YTHDC2: variants seen among roughly 807,000 people sequenced by gnomAD.
YTHDC2 encodes YTH N6-methyladenosine RNA binding protein C2.
Under a neutral mutation model 174.9 loss-of-function variants are expected in YTHDC2, and 45 were observed. The ratio of observed to expected loss-of-function variants is 0.26; its 90% CI spans 0.20 to 0.33. The LOEUF (loss-of-function observed/expected upper bound fraction) is 0.33, where lower values mean the gene tolerates loss of function less well. Ranked by LOEUF, YTHDC2 falls within the 10% of genes least tolerant of loss-of-function variation. The probability of loss-of-function intolerance (pLI) is 1.00; values close to 1 mark genes in which losing one functional copy is unlikely to be tolerated. For missense variants in YTHDC2, 1,650 were observed against 1,723.7 expected (o/e 0.96, Z 0.76); for synonymous variants, 657 against 574.5 (o/e 1.14, Z -2.05).
At chr5:113,544,612 T>C (rs1263130599) in intron 10 of YTHDC2, among the ~76,000 whole-genome samples, 1 of 152,208 alleles carries the variant, frequency 6.6e-6, no homozygotes, top group East Asian at 1.9e-4. Flanking sequence ...TCCCTTTTTC[T>C]GCTTCTGGAG....
In YTHDC2 at chr5:113,592,191, A is replaced by ATTTTTT; in HGVS notation, c.4212+19_4212+24dup. The ATTTTTT allele has an allele frequency of 5.1e-6, 7 of 1,382,664 alleles. No individual in the cohort carries two copies. The highest frequency in any genetic ancestry group is 1.4e-5 in the South Asian group (1 of 70,444). The allele number at this position is 1,382,664 out of a possible 1,614,324, so 85.6% of individuals were successfully genotyped here. A position where few individuals can be genotyped will look rare whatever the true frequency, so the allele number is the denominator to read the frequency against. On this transcript the variant is annotated intron_variant, in intron 28 of 29. Transcript: ENST00000161863. ...CAGGGATGGGCAGGTATACAATGGC[A>ATTTTTT]TTTTTTTTTTTATTTACTTTTGTTT...
chr5:113,585,255 T>C (rs758394249), intron 26 of YTHDC2, among the ~76,000 whole-genome samples: 127 of 152,000 alleles, frequency 8.4e-4, no homozygotes, highest in Non-Finnish European at 1.9e-4. Flanking sequence ...TGATAAGAAA[T>C]TGAAAACTAT....
intron 25 of YTHDC2, chr5:113,583,726 C>T: frequency 6.6e-6 from 1 of 152,530 alleles, no homozygotes; most frequent in Non-Finnish European, 1.5e-5. Context: ...TCGTAATCTG[C>T]CCGCCTCGGC....
intron 17 of YTHDC2, among the ~76,000 whole-genome samples, chr5:113,557,755 A>AT (rs1219456938): frequency 6.6e-6 from 1 of 152,168 alleles, no homozygotes. Context: ...AGCTGTGATC[A>AT]TACCACTCTA....
chr5:113,575,361 T>C (rs150708803), intron 23 of YTHDC2, among the ~76,000 whole-genome samples: 98 of 152,286 alleles, frequency 6.4e-4, no homozygotes, highest in Non-Finnish European at 1.1e-3. Flanking sequence ...ATTTACACAG[T>C]AGTGAGGGTA....
In YTHDC2 at chr5:113,535,661, A is replaced by G. The variant is rs374806929; in HGVS notation, c.965A>G (p.Asp322Gly). Residue 322 changes from aspartate (D) to glycine (G), a missense_variant, in exon 7 of 30, where the codon GAT becomes GGT. Around this residue, in one of 5 missense-constraint regions of YTHDC2, gnomAD observed 411 missense variants for 380.6 expected, o/e 1.08. Transcript: ENST00000161863. ...HVIVDEVHER[D>G]RFSDFLLTKL... The stretch of plus-strand genomic sequence containing the variant: ...CTATAGGATGAAGTGCATGAAAGGG[A>G]TCGATTTAGTGATTTTTTACTTACA... 3.1e-6 allele frequency: 5 copies of G among 1,613,016 alleles called. No homozygotes were observed. Among genetic ancestry groups the G allele is most frequent in the Non-Finnish European group, 4.2e-6 (5 of 1,179,612 alleles).
chr5:113,561,578 C>T (rs1253422276), intron 18 of YTHDC2, among the ~76,000 whole-genome samples: 1 of 151,604 alleles, frequency 6.6e-6, no homozygotes, highest in Non-Finnish European at 1.5e-5. Flanking sequence ...AAGCGATTCT[C>T]TGGCCTCAGC....
chr5:113,514,352 C>T, intron 1 of YTHDC2: 1 of 659,022 alleles, frequency 1.5e-6, no homozygotes, highest in Non-Finnish European at 2.8e-6. Flanking sequence ...CTTTCAGCAG[C>T]CTTGGGCGGT....
At chr5:113,583,036 G>C (rs1396474109) in intron 25 of YTHDC2, 1 of 152,140 alleles carries the variant, frequency 6.6e-6, no homozygotes, top group Admixed American at 6.5e-5. Flanking sequence ...TTCCATAGGA[G>C]TTATTCTGTG....
intron 7 of YTHDC2, 117 bp downstream of exon 7, chr5:113,535,915 A>G: frequency 1.3e-6 from 1 of 790,344 alleles, no homozygotes; most frequent in East Asian, 2.9e-5. Flanking sequence ...TTACCGTTCC[A>G]CCTGAGATAG....
chr5:113,591,530 C>T (rs954935084), intron 27 of YTHDC2, among the ~76,000 whole-genome samples: 3 of 152,062 alleles, frequency 2.0e-5, no homozygotes, highest in Non-Finnish European at 4.4e-5. Context: ...GAAGCTTGAC[C>T]TTTTGGTAAA....
chr5:113,595,150 T>G lies in YTHDC2; in HGVS notation c.*1676T>G, dbSNP rs1779194968. ...AAAACTTGTTTAAATTTCCATCTGT[T>G]TTGTAATATCTAGCTCTATATGTAA... On this transcript the variant is annotated 3_prime_UTR_variant, in exon 30 of 30. Transcript: ENST00000161863. 6.6e-6 allele frequency: 1 copy of G among 152,140 alleles called. No individual in the cohort carries two copies. The highest frequency in any genetic ancestry group is 6.5e-5 in the Admixed American group (1 of 15,270). 9.4% of individuals were successfully genotyped at this position (152,140 alleles called of 1,614,324 possible). A position where few individuals can be genotyped will look rare whatever the true frequency, so the allele number is the denominator to read the frequency against.
At chr5:113,535,893 A>C in intron 7 of YTHDC2, 95 bp downstream of exon 7, 1 of 1,062,152 alleles carries the variant, frequency 9.4e-7, no homozygotes, top group Non-Finnish European at 1.3e-6. Flanking sequence ...GTTCTGAAGT[A>C]GAGGCCATCT....
intron 17 of YTHDC2, among the ~76,000 whole-genome samples, chr5:113,557,105 G>T (rs1404607681): frequency 6.6e-6 from 1 of 152,182 alleles, no homozygotes; most frequent in South Asian, 2.1e-4. Flanking sequence ...AATGCATCGA[G>T]AAGTCTGGGA....
At chr5:113,547,079 TC>T (rs1272636410) in intron 10 of YTHDC2, among the ~76,000 whole-genome samples, 2 of 152,168 alleles carry the variant, frequency 1.3e-5, no homozygotes, top group Admixed American at 1.3e-4. Flanking sequence ...AGTCACTTAG[TC>T]CAGTTTATAT....
At chr5:113,560,739 T>G (rs929611058) in intron 17 of YTHDC2, among the ~76,000 whole-genome samples, 1 of 152,252 alleles carries the variant, frequency 6.6e-6, no homozygotes, top group African/African-American at 2.4e-5. Flanking sequence ...GTGCTTGATA[T>G]AAGCTCAGTA....
chr5:113,567,047 T>C, intron 21 of YTHDC2, 45 bp from the exon 22 acceptor site: 1 of 1,560,686 alleles, frequency 6.4e-7, no homozygotes, highest in Non-Finnish European at 8.7e-7. Context: ...CACAAAAGTA[T>C]CTTTTGCACA....
chr5:113,567,284 C>T lies in YTHDC2; in HGVS notation c.3035C>T (p.Pro1012Leu), dbSNP rs1405463463. Residue 1012 changes from proline to leucine, a missense_variant, in exon 22 of 30, where the codon CCT becomes CTT. Transcript: ENST00000161863. ...CATCCTGCTTCAGTTCTCAGTCAGC[C>T]TCAATATAAAAAGGTAAAAGATTTT... ...RFHPASVLSQ[P>L]QYKKIPPANG... 1.2e-6 allele frequency: 2 copies of T among 1,608,630 alleles called. No individual in the cohort carries two copies. Among genetic ancestry groups the T allele is most frequent in the Non-Finnish European group, 1.7e-6 (2 of 1,178,312 alleles).
intron 2 of YTHDC2, among the ~76,000 whole-genome samples, chr5:113,521,337 T>A (rs1324843942): frequency 2.0e-5 from 3 of 152,230 alleles, no homozygotes; most frequent in Non-Finnish European, 4.4e-5. Context: ...TATTTTTTGA[T>A]GTTCACATCA....
Sources: gnomAD v4.1 joint callset for allele counts (sites outside exome capture counted in the v4.1 genomes callset) on GRCh38, gnomAD v4.1.1 for gene constraint, gnomAD v4.1.1 regional missense constraint, MANE v1.5 for transcripts, NCBI Gene and HGNC (gene_info 2026-07-23, HGNC 2026-07-21) for gene names.